LPO: variants seen among roughly 807,000 people sequenced by gnomAD.
LPO encodes the protein salivary peroxidase.
Under a neutral mutation model 68.4 loss-of-function variants are expected in LPO, and 70 were observed. The ratio of observed to expected loss-of-function variants is 1.02; its 90% CI spans 0.84 to 1.25. The LOEUF (loss-of-function observed/expected upper bound fraction) is 1.25. Ranked by LOEUF, LPO falls within the 50% of genes most tolerant of loss-of-function variation. The pLI, the probability that LPO is intolerant of heterozygous loss-of-function variation, is 0.00. For missense variants in LPO, 873 were observed against 908.4 expected (o/e 0.96, Z 0.50); for synonymous variants, 360 against 357.6 (o/e 1.01, Z -0.08).
At chr17:58,255,004 C>T (rs1202856451) in intron 9 of LPO, 33 bp downstream of exon 9, 2 of 1,604,958 alleles carry the variant, frequency 1.2e-6, no homozygotes, top group South Asian at 1.1e-5. Flanking sequence ...TCACCTGGTC[C>T]CACCTGGCTC....
chr17:58,265,784 CA>C (rs1400065026), intron 10 of LPO, among the ~76,000 whole-genome samples: 1 of 151,688 alleles, frequency 6.6e-6, no homozygotes, highest in East Asian at 1.9e-4. Flanking sequence ...GGGGTTTTGC[CA>C]TGTTGTCCAG....
chr17:58,254,127 T>TAATA (rs1435077176), intron 8 of LPO, among the ~76,000 whole-genome samples: 11 of 105,722 alleles, frequency 1.0e-4, no homozygotes, highest in African/African-American at 4.7e-4. Context: ...AGATAGATGA[T>TAATA]GATAGATATA....
intron 2 of LPO, chr17:58,243,387 G>C (rs1969794789): frequency 3.4e-6 from 1 of 292,782 alleles, no homozygotes; most frequent in Non-Finnish European, 6.4e-6. Flanking sequence ...CCGATGCTAA[G>C]GCAGTATGAC....
intron 1 of LPO, 93 bp from the exon 2 acceptor site, chr17:58,242,884 TG>T: frequency 1.0e-6 from 1 of 969,674 alleles, no homozygotes; most frequent in South Asian, 1.3e-5. Context: ...TTAGGGTGTC[TG>T]GTGCTCCTTT....
intron 3 of LPO, among the ~76,000 whole-genome samples, chr17:58,246,699 C>A (rs148680921): frequency 3.3e-5 from 5 of 152,314 alleles, no homozygotes; most frequent in East Asian, 3.9e-4. Context: ...TCTAAAATAC[C>A]TTGCAGCAGC....
intron 9 of LPO, among the ~76,000 whole-genome samples, chr17:58,261,633 T>C (rs1970177394): frequency 6.6e-6 from 1 of 152,232 alleles, no homozygotes; most frequent in Non-Finnish European, 1.5e-5. Flanking sequence ...ATTATTAACA[T>C]GTTAGGGATT....
chr17:58,255,002 T>C (rs750611005), intron 9 of LPO, 31 bp downstream of exon 9: 1 of 1,607,302 alleles, frequency 6.2e-7, no homozygotes, highest in Non-Finnish European at 8.5e-7. Context: ...TGTCACCTGG[T>C]CCCACCTGGC....
At chr17:58,252,005 G>A in intron 7 of LPO, 177 bp from the exon 8 acceptor site, 3 of 766,438 alleles carry the variant, frequency 3.9e-6, no homozygotes, top group Non-Finnish European at 4.8e-6. Flanking sequence ...TGAACTTCAG[G>A]ATATTATGAG....
Position 58,267,820 on chromosome 17 carries a change from C to T in LPO, c.1965C>T (p.Asn655=), listed in dbSNP as rs768511505. ...GGGAAAACCCTGGGGTCTTCACGAACGAGCAGAAGGACTCTCTACAGAAAA... is the reference window on the plus strand; with the variant it reads ...GGGAAAACCCTGGGGTCTTCACGAATGAGCAGAAGGACTCTCTACAGAAAA... ...FWWENPGVFT[N]EQKDSLQKMS... is the part of the protein sequence containing the mutation. The change falls in exon 13 of 13, where the codon AAC becomes AAT. Residue 655 remains asparagine (N), a synonymous_variant. Transcript: ENST00000262290. The T allele has an allele frequency of 3.0e-5, 48 of 1,614,004 alleles. No individual in the cohort carries two copies. Among genetic ancestry groups the T allele is most frequent in the South Asian group, 6.6e-5 (6 of 91,080 alleles).
intron 7 of LPO, chr17:58,250,881 G>T: frequency 2.0e-6 from 1 of 494,730 alleles, no homozygotes; most frequent in Non-Finnish European, 3.7e-6. Flanking sequence ...CAAAGGGCCA[G>T]TGTGGGAATT....
rs200500226 is a variant in LPO, at chr17:58,252,197, C to T, written c.796C>T (p.Pro266Ser). The change falls in exon 8 of 13, where the codon CCC (proline) becomes TCC (serine). Residue 266 changes from proline (P) to serine (S), a missense_variant. Coordinates refer to ENST00000262290, the MANE Select transcript of LPO (RefSeq NM_006151.3). ...CFPIMFPPND[P>S]KAGTQGKCMP... ...CTCTCTGCAGTTCCCACCCAATGAC[C>T]CCAAGGCGGGGACTCAAGGGAAATG... 3.7e-6 allele frequency: 6 copies of T among 1,613,984 alleles called. No homozygotes were observed. The highest frequency in any genetic ancestry group is 5.1e-6 in the Non-Finnish European group (6 of 1,180,002).
chr17:58,252,137 G>A (rs1243430865), intron 7 of LPO, 45 bp from the exon 8 acceptor site: 1 of 1,581,342 alleles, frequency 6.3e-7, no homozygotes, highest in Admixed American at 1.7e-5. Context: ...CCAGGACCCA[G>A]CTGTTCCACC....
Position 58,252,253 on chromosome 17 carries a change from C to A in LPO, c.852C>A (p.Cys284Ter). ...CMPFFRAGFV[C>*]PTPPYKSLAR... is the part of the protein sequence containing the mutation. ...CTTTCTTCCGAGCTGGGTTCGTCTGCCCCACTCCACCCTACAAGTCCCTGG... is the reference window on the plus strand; with the variant it reads ...CTTTCTTCCGAGCTGGGTTCGTCTGACCCACTCCACCCTACAAGTCCCTGG... Residue 284 changes from cysteine (C) to a stop codon, truncating the protein, a stop_gained, in exon 8 of 13, where the codon TGC becomes TGA. Transcript: ENST00000262290. LOFTEE classifies it high-confidence loss of function. The A allele has an allele frequency of 6.2e-7, 1 of 1,614,202 alleles. No homozygotes were observed.
chr17:58,264,223 TTTTA>T (rs1251371071), intron 9 of LPO, among the ~76,000 whole-genome samples: 3 of 152,226 alleles, frequency 2.0e-5, no homozygotes, highest in Admixed American at 2.0e-4. Flanking sequence ...TCTGAAAATT[TTTTA>T]TTTGTGTTAG....
chr17:58,252,021 G>T, intron 7 of LPO, 161 bp from the exon 8 acceptor site: 1 of 762,600 alleles, frequency 1.3e-6, no homozygotes. Context: ...ATGAGCCCAG[G>T]GTGTGTAATG....
rs1969703646 is a variant in LPO, at chr17:58,238,709, G to A, written c.-33G>A. ...GCTCCTCCAAGCAGAGCAACTCCCTGGCTGCCGTGAAAAGACAAGGCACTG... is the reference window on the plus strand; with the variant it reads ...GCTCCTCCAAGCAGAGCAACTCCCTAGCTGCCGTGAAAAGACAAGGCACTG... On this transcript the variant is annotated 5_prime_UTR_variant, in exon 1 of 13. Coordinates refer to ENST00000262290, the MANE Select transcript of LPO (RefSeq NM_006151.3). The A allele has an allele frequency of 6.6e-6, 1 of 152,110 alleles. No individual in the cohort carries two copies. The highest frequency in any genetic ancestry group is 1.5e-5 in the Non-Finnish European group (1 of 68,018). 9.4% of individuals were successfully genotyped at this position (152,110 alleles called of 1,614,324 possible).
intron 9 of LPO, among the ~76,000 whole-genome samples, chr17:58,255,680 T>C (rs1217431171): frequency 6.6e-6 from 1 of 152,064 alleles, no homozygotes; most frequent in Non-Finnish European, 1.5e-5. Context: ...GATTATTAGA[T>C]TCTAAGAATT....
At chr17:58,249,404 C>A in intron 5 of LPO, 162 bp from the exon 6 acceptor site, 1 of 1,160,608 alleles carries the variant, frequency 8.6e-7, no homozygotes, top group Non-Finnish European at 1.2e-6. Flanking sequence ...GGGAGCCCCG[C>A]GCCTTCAGGG....
Position 58,268,240 on chromosome 17 carries a change from G to A in LPO, c.*246G>A, listed in dbSNP as rs1456628302. On this transcript the variant is annotated 3_prime_UTR_variant, in exon 13 of 13. Coordinates refer to ENST00000262290, the MANE Select transcript of LPO (RefSeq NM_006151.3). The stretch of plus-strand genomic sequence containing the variant: ...CTTAGCCCCGCTGAGATGCCCTTCT[G>A]CTCCAGCTTGCTGGATGTTACCTGT... 30 of 521,550 alleles carry A rather than the reference G, an allele frequency of 5.8e-5. No individual in the cohort carries two copies. The East Asian group carries it at 1.0e-3, about 17-fold the overall frequency. 32.3% of individuals were successfully genotyped at this position (521,550 alleles called of 1,614,324 possible).
Sources: allele counts gnomAD v4.1 joint callset (sites outside exome capture counted in the v4.1 genomes callset), GRCh38; gene constraint gnomAD v4.1.1; transcripts MANE v1.5; gene names NCBI Gene and HGNC (gene_info 2026-07-23, HGNC 2026-07-21).